Variants in WDPCP observed in about 807,000 individuals in gnomAD.
WDPCP encodes WD repeat containing planar cell polarity effector, also known as WD repeat-containing and planar cell polarity effector protein fritz homolog.
WDPCP carries 71 observed loss-of-function variants against 93.1 expected under a neutral mutation model. The ratio of observed to expected loss-of-function variants is 0.76; its 90% CI spans 0.63 to 0.93. The LOEUF is 0.93. Ranked by LOEUF, WDPCP falls within the 40% of genes least tolerant of loss-of-function variation. WDPCP has a pLI of 0.00. For synonymous variants in WDPCP, 315 were observed against 315.0 expected (o/e 1.00, Z 0.00); for missense variants, 844 against 887.4 (o/e 0.95, Z 0.62).
intron 10 of WDPCP, among the ~76,000 whole-genome samples, chr2:63,401,136 T>C (rs1694119249): frequency 6.6e-6 from 1 of 151,908 alleles, no homozygotes. Flanking sequence ...GAAGCCAAAA[T>C]TGACAAATGG....
At chr2:63,513,699 T>C (rs571419272) in intron 1 of WDPCP, among the ~76,000 whole-genome samples, 1 of 152,192 alleles carries the variant, frequency 6.6e-6, no homozygotes, top group Non-Finnish European at 1.5e-5. Flanking sequence ...AAGGAAGGAA[T>C]GCTACACAGA....
At chr2:63,756,615 T>C (rs113377140) in intron 2 of WDPCP, among the ~76,000 whole-genome samples, 3 of 152,316 alleles carry the variant, frequency 2.0e-5, no homozygotes, top group African/African-American at 7.2e-5. Context: ...ATCATATCAT[T>C]TAATATATGG....
intron 17 of WDPCP, among the ~76,000 whole-genome samples, chr2:63,147,567 T>C (rs1671601988): frequency 6.6e-6 from 1 of 152,242 alleles, no homozygotes; most frequent in Admixed American, 6.5e-5. Flanking sequence ...TCTTTATCCA[T>C]GCATTTTTGC....
chr2:63,536,686 G>A (rs559980235), intron 1 of WDPCP, among the ~76,000 whole-genome samples: 9 of 150,800 alleles, frequency 6.0e-5, no homozygotes, highest in Admixed American at 4.6e-4. Flanking sequence ...AACATAAGAC[G>A]GATTAATGGA....
chr2:63,408,191 G>A (rs1694744155), intron 9 of WDPCP, among the ~76,000 whole-genome samples: 1 of 152,122 alleles, frequency 6.6e-6, no homozygotes, highest in Non-Finnish European at 1.5e-5. Flanking sequence ...GTCCCAAGAA[G>A]AGCCACAGAC....
In WDPCP at chr2:63,292,307, GAGA is replaced by G. The variant is rs562203381; in HGVS notation, c.1812+20938_1812+20940del. Among the ~76,000 whole-genome samples the G allele has an allele frequency of 5.2e-3, 784 of 151,900 alleles. 1 individual carries two copies. The highest frequency in any genetic ancestry group is 8.7e-3 in the Non-Finnish European group (590 of 67,960). ...TAGAATTATCAGGTTGAGGGTCATGGAGAAGGATATCAACATTATCATCATTTA... is the reference window on the plus strand; with the variant it reads ...TAGAATTATCAGGTTGAGGGTCATGGAGGATATCAACATTATCATCATTTA... On this transcript the variant is annotated intron_variant, in intron 13 of 17. Transcript: ENST00000272321.
intron 15 of WDPCP, chr2:63,168,562 AT>A (rs752548816): frequency 5.9e-5 from 9 of 152,092 alleles, no homozygotes; most frequent in Non-Finnish European, 1.3e-4. Context: ...ATATTTTATA[AT>A]TTTGTGAATT....
chr2:63,134,862 C>A (rs1012280781), intron 17 of WDPCP, among the ~76,000 whole-genome samples: 6 of 152,204 alleles, frequency 3.9e-5, no homozygotes, highest in Non-Finnish European at 7.3e-5. Flanking sequence ...GTGGCTCACA[C>A]CTGTAACCCC....
intron 2 of WDPCP, among the ~76,000 whole-genome samples, chr2:63,785,300 T>C (rs1001932482): frequency 2.0e-5 from 3 of 152,174 alleles, no homozygotes; most frequent in Admixed American, 6.5e-5. Context: ...TCTGCTTCTT[T>C]TGTACACACC....
At chr2:63,344,164 A>G (rs573258008) in intron 12 of WDPCP, among the ~76,000 whole-genome samples, 1 of 152,122 alleles carries the variant, frequency 6.6e-6, no homozygotes, top group Non-Finnish European at 1.5e-5. Context: ...ATGGTTTGCT[A>G]TTGTTACTGC....
At chr2:63,414,435 G>A (rs1695248912) in intron 9 of WDPCP, among the ~76,000 whole-genome samples, 1 of 150,818 alleles carries the variant, frequency 6.6e-6, no homozygotes, top group African/African-American at 2.4e-5. Context: ...ATCAACAAGT[G>A]GATAAAGAAA....
intron 1 of WDPCP, among the ~76,000 whole-genome samples, chr2:63,509,375 T>G (rs1360610605): frequency 6.6e-6 from 1 of 152,164 alleles, no homozygotes; most frequent in Non-Finnish European, 1.5e-5. Context: ...AATAAGTTCT[T>G]TGAAACCAGT....
chr2:63,403,402 T>C (rs985293896), intron 10 of WDPCP, among the ~76,000 whole-genome samples: 4 of 148,994 alleles, frequency 2.7e-5, no homozygotes, highest in Non-Finnish European at 4.5e-5. Context: ...CAAACCTGCA[T>C]GTGTACCCAC....
chr2:63,831,279 C>T (rs1008981184), upstream of WDPCP, among the ~76,000 whole-genome samples: 1 of 152,162 alleles, frequency 6.6e-6, no homozygotes, highest in African/African-American at 2.4e-5. Context: ...CACAGCCAGG[C>T]CTCCAAACTT....
At position 63,152,911 on chromosome 2, in the gene WDPCP, T is replaced by TC. The variant is rs750162218; in HGVS notation, c.2190+2_2190+3insG. 5.6e-6 allele frequency: 9 copies of TC among 1,611,030 alleles called. No homozygotes were observed. The East Asian group carries it at 2.0e-4, about 36-fold the overall frequency. ...CTAGTAATAAACAGAGAAAGTGTTT[T>TC]ACCTGTTCTCTGCCGTCTTCTCTCA... On this transcript the variant is annotated splice_region_variant and intron_variant, in intron 17 of 17. Transcript: ENST00000272321.
In WDPCP at chr2:63,153,063, G is replaced by C. The variant is rs1010949404; in HGVS notation, c.2159-118C>G. The C allele has an allele frequency of 4.9e-6, 4 of 814,776 alleles. No homozygotes were observed. The African/African-American group carries it at 7.0e-5, about 14-fold the overall frequency. The allele number at this position is 814,776 out of a possible 1,614,324, so 50.5% of individuals were successfully genotyped here. On this transcript the variant is annotated intron_variant, in intron 16 of 17. Coordinates refer to ENST00000272321, the MANE Select transcript of WDPCP (RefSeq NM_015910.7). The stretch of plus-strand genomic sequence containing the variant: ...AAATAATAACAAGTTACAATGCTGA[G>C]AACTCTAGAGAAATAAAAAACCAAA...
intron 2 of WDPCP, among the ~76,000 whole-genome samples, chr2:63,756,837 A>G (rs963451536): frequency 8.5e-5 from 13 of 152,196 alleles, no homozygotes; most frequent in African/African-American, 2.4e-4. Flanking sequence ...AATTTCACAC[A>G]TGGGAAAATT....
intron 2 of WDPCP, among the ~76,000 whole-genome samples, chr2:63,775,611 C>T (rs1382348750): frequency 6.6e-6 from 1 of 152,210 alleles, no homozygotes; most frequent in Non-Finnish European, 1.5e-5. Context: ...TTCAGTCCCA[C>T]TTCGCTTTTA....
chr2:63,685,345 G>T (rs1668790533), intron 2 of WDPCP, among the ~76,000 whole-genome samples: 1 of 152,096 alleles, frequency 6.6e-6, no homozygotes, highest in African/African-American at 2.4e-5. Context: ...ACTAGATTAG[G>T]AAATATAAGA....
Sources: allele counts gnomAD v4.1 joint callset (sites outside exome capture counted in the v4.1 genomes callset), GRCh38; gene constraint gnomAD v4.1.1; transcripts MANE v1.5; gene names NCBI Gene and HGNC (gene_info 2026-07-23, HGNC 2026-07-21).